Variants in KIAA2012 observed in about 807,000 individuals in gnomAD.
The protein encoded by KIAA2012 is uncharacterized protein KIAA2012.
A neutral mutation model predicts 150.6 loss-of-function variants in KIAA2012; 125 were observed. The observed-to-expected ratio is 0.83, with a 90% confidence interval of 0.72 to 0.96. KIAA2012 has a LOEUF of 0.96. KIAA2012 is among the 40% of genes least tolerant of loss of function. The pLI is 0.00. For synonymous variants in KIAA2012, 462 were observed against 504.7 expected, an observed-to-expected ratio of 0.92 and a Z score of 1.13; for missense variants, 1,219 against 1,354.9, an observed-to-expected ratio of 0.90 and a Z score of 1.57.
chr2:202,099,875 C>T, intron 6 of KIAA2012, 79 bp downstream of exon 6: 1 of 1,211,860 alleles, frequency 8.3e-7, no homozygotes, highest in East Asian at 2.6e-5. Context: ...TGAGGCATGC[C>T]AAACATCACT....
At chr2:202,186,377 T>C (rs1397117360) in intron 16 of KIAA2012, among the ~76,000 whole-genome samples, 1 of 151,902 alleles carries the variant, frequency 6.6e-6, no homozygotes. Context: ...CCGGACGTGG[T>C]GGTGGGCGCC....
intron 10 of KIAA2012, among the ~76,000 whole-genome samples, chr2:202,110,381 C>T (rs150206109): frequency 1.3e-3 from 196 of 152,296 alleles, no homozygotes; most frequent in African/African-American, 4.4e-3. Context: ...GCAGCTCCCC[C>T]GGGGCTTCCA....
intron 10 of KIAA2012, 101 bp downstream of exon 10, chr2:202,109,890 C>G (rs762135284): frequency 9.9e-6 from 11 of 1,106,686 alleles, no homozygotes; most frequent in Non-Finnish European, 1.4e-5. Context: ...GAAAGGCATT[C>G]CATTGAAAAG....
chr2:202,186,539 G>A (rs1333723447), intron 16 of KIAA2012, among the ~76,000 whole-genome samples: 4 of 152,002 alleles, frequency 2.6e-5, no homozygotes, highest in Admixed American at 2.6e-4. Flanking sequence ...AGAATTCAGA[G>A]GGCATAAAGG....
chr2:202,099,794 G>GA lies in KIAA2012; in HGVS notation c.1010_1011insA (p.Ser337ArgfsTer3). ...TTCCCTAATAGGAAGGCAGATCTCA[G>GA]CGGTAAGAACTCAAATGTCTTGCTC... On this transcript the variant is annotated frameshift_variant and splice_region_variant, in exon 6 of 24. Transcript: ENST00000498697. LOFTEE classifies it high-confidence loss of function. The GA allele has an allele frequency of 1.3e-6, 2 of 1,548,594 alleles. No individual in the cohort carries two copies. The highest frequency in any genetic ancestry group is 8.7e-7 in the Non-Finnish European group (1 of 1,146,146).
At chr2:202,145,244 G>T (rs1276041383) in intron 13 of KIAA2012, among the ~76,000 whole-genome samples, 1 of 152,120 alleles carries the variant, frequency 6.6e-6, no homozygotes, top group African/African-American at 2.4e-5. Flanking sequence ...TTCCATGCCT[G>T]TGCTCACTCT....
At chr2:202,079,536 T>C (rs997866005) in intron 2 of KIAA2012, among the ~76,000 whole-genome samples, 5 of 152,208 alleles carry the variant, frequency 3.3e-5, no homozygotes, top group Non-Finnish European at 5.9e-5. Flanking sequence ...TCCAACTCCC[T>C]GGATCTGACA....
At chr2:202,192,029 CA>C (rs1472640744) in intron 19 of KIAA2012, among the ~76,000 whole-genome samples, 4 of 152,136 alleles carry the variant, frequency 2.6e-5, no homozygotes, top group African/African-American at 9.7e-5. Context: ...CATGGTCTTC[CA>C]AAAAGGATTC....
At chr2:202,119,311 C>T (rs534756895) in intron 11 of KIAA2012, among the ~76,000 whole-genome samples, 6 of 152,078 alleles carry the variant, frequency 3.9e-5, no homozygotes, top group Non-Finnish European at 5.9e-5. Context: ...TTTGAATCCA[C>T]TAGCTATTCA....
chr2:202,075,002 A>G lies in KIAA2012; in HGVS notation c.196A>G (p.Thr66Ala). Residue 66 changes from threonine to alanine, a missense_variant, in exon 2 of 24, where the codon ACT (threonine) becomes GCT (alanine). Coordinates refer to ENST00000498697, the MANE Select transcript of KIAA2012 (RefSeq NM_001277372.4). ...CCTCTTTCTCCCTAAAACTTTCAGT[A>G]CTAGAAAGGGTGCCCTGATCCTGTA... Reference protein sequence around the residue: ...WSLFLPKTFSTRKGALILYSE... With the variant: ...WSLFLPKTFSARKGALILYSE... 6.4e-7 allele frequency: 1 copy of G among 1,550,742 alleles called. No homozygotes were observed.
intron 15 of KIAA2012, among the ~76,000 whole-genome samples, chr2:202,166,409 T>C (rs996858911): frequency 1.3e-5 from 2 of 152,156 alleles, no homozygotes; most frequent in Admixed American, 6.5e-5. Flanking sequence ...TCCCAACATT[T>C]TGGGAGGCCA....
intron 2 of KIAA2012, chr2:202,077,105 C>A: frequency 2.3e-6 from 1 of 444,092 alleles, no homozygotes; most frequent in Non-Finnish European, 4.4e-6. Flanking sequence ...TCCAGGTGAC[C>A]CCACCAGCTC....
At chr2:202,102,490 G>T (rs1016518962) in intron 7 of KIAA2012, among the ~76,000 whole-genome samples, 26 of 152,276 alleles carry the variant, frequency 1.7e-4, no homozygotes, top group East Asian at 1.3e-3. Context: ...ATTGTAGCTT[G>T]GCTTAGATAA....
rs1208045568 is a variant in KIAA2012, at chr2:202,161,808, C to T, written c.2047-3476C>T. 2.0e-5 allele frequency among the ~76,000 whole-genome samples: 3 copies of T among 152,212 alleles called. No homozygotes were observed. The East Asian group carries it at 5.8e-4, about 29-fold the overall frequency. ...GTGCCCCCGGTGCCTATCTCGGTAC[C>T]TGGCACACAGCAGACACTCAATAAA... On this transcript the variant is annotated intron_variant, in intron 14 of 23. Transcript: ENST00000498697.
chr2:202,084,859 G>A (rs1689527526), intron 2 of KIAA2012, among the ~76,000 whole-genome samples: 2 of 151,974 alleles, frequency 1.3e-5, no homozygotes, highest in African/African-American at 4.8e-5. Flanking sequence ...AGAGAAGAAA[G>A]AACTATTTGT....
chr2:202,087,213 T>C (rs1158043222), intron 2 of KIAA2012, among the ~76,000 whole-genome samples: 1 of 151,966 alleles, frequency 6.6e-6, no homozygotes, highest in Non-Finnish European at 1.5e-5. Flanking sequence ...GTCTGACCCT[T>C]TATAAAAAAC....
chr2:202,168,420 A>C (rs1451544819), intron 15 of KIAA2012, among the ~76,000 whole-genome samples: 10 of 148,868 alleles, frequency 6.7e-5, no homozygotes, highest in Non-Finnish European at 1.5e-4. Context: ...TCTGTCTCAA[A>C]AAAAAAAAAA....
intron 19 of KIAA2012, among the ~76,000 whole-genome samples, chr2:202,191,284 C>A (rs866567345): frequency 6.6e-6 from 1 of 152,026 alleles, no homozygotes; most frequent in African/African-American, 2.4e-5. Flanking sequence ...CTAAAAAAAA[C>A]AAAACCACAA....
At chr2:202,171,847 C>CT (rs60916677) in intron 15 of KIAA2012, among the ~76,000 whole-genome samples, 91,947 of 116,456 alleles carry the variant, frequency 0.79, 37,470 homozygotes, top group East Asian at 0.97. Flanking sequence ...TTGGCATTTA[C>CT]TTTTTTTTTT....
Sources: gnomAD v4.1 joint callset for allele counts (sites outside exome capture counted in the v4.1 genomes callset) on GRCh38, gnomAD v4.1.1 for gene constraint, MANE v1.5 for transcripts, NCBI Gene and HGNC (gene_info 2026-07-23, HGNC 2026-07-21) for gene names.